DIAPH3: variants seen among roughly 807,000 people sequenced by gnomAD.
The protein encoded by DIAPH3 is protein diaphanous homolog 3.
DIAPH3 carries 117 observed loss-of-function variants against 144.3 expected under a neutral mutation model. The observed-to-expected ratio is 0.81, with a 90% confidence interval of 0.70 to 0.95. The LOEUF (loss-of-function observed/expected upper bound fraction) is 0.95. Among genes scored for constraint, DIAPH3 ranks in the 40% least tolerant of loss-of-function variants. DIAPH3 has a pLI of 0.00. For missense variants in DIAPH3, 1,421 were observed against 1,412.7 expected (o/e 1.01, Z -0.09); for synonymous variants, 519 against 488.9 (o/e 1.06, Z -0.81).
intron 2 of DIAPH3, among the ~76,000 whole-genome samples, chr13:60,132,214 A>G (rs1293759804): frequency 1.3e-5 from 2 of 152,162 alleles, no homozygotes; most frequent in African/African-American, 4.8e-5. Flanking sequence ...TACTTTGGAT[A>G]TTAGAAGTAC....
chr13:59,891,290 C>T (rs1218958494), intron 20 of DIAPH3, among the ~76,000 whole-genome samples: 1 of 152,108 alleles, frequency 6.6e-6, no homozygotes, highest in Non-Finnish European at 1.5e-5. Flanking sequence ...ATGAATGATG[C>T]ATGGCTGGTA....
chr13:59,799,053 C>G (rs1054283216), intron 25 of DIAPH3, among the ~76,000 whole-genome samples: 1 of 151,928 alleles, frequency 6.6e-6, no homozygotes, highest in Non-Finnish European at 1.5e-5. Flanking sequence ...AGAAAGAGCA[C>G]GAGTGCAAGA....
chr13:59,885,887 G>A (rs1372105134), intron 20 of DIAPH3, among the ~76,000 whole-genome samples: 1 of 151,984 alleles, frequency 6.6e-6, no homozygotes, highest in Admixed American at 6.6e-5. Flanking sequence ...CCCTACCAAT[G>A]CCTTCATTTA....
At chr13:59,709,947 G>T (rs1470084464) in intron 27 of DIAPH3, among the ~76,000 whole-genome samples, 1 of 151,478 alleles carries the variant, frequency 6.6e-6, no homozygotes, top group African/African-American at 2.4e-5. Flanking sequence ...CCTTTGTAGG[G>T]ACATGGATGA....
chr13:59,748,145 C>T (rs965025886), intron 27 of DIAPH3, among the ~76,000 whole-genome samples: 1 of 152,172 alleles, frequency 6.6e-6, no homozygotes, highest in Non-Finnish European at 1.5e-5. Context: ...AAAAGAGCTG[C>T]TTTCCTGCTA....
intron 27 of DIAPH3, among the ~76,000 whole-genome samples, chr13:59,672,724 T>C (rs1270596808): frequency 6.6e-6 from 1 of 152,194 alleles, no homozygotes; most frequent in Non-Finnish European, 1.5e-5. Context: ...CTTCCTTTGG[T>C]TTCATTTCGC....
chr13:60,066,419 C>T (rs2056969031), intron 4 of DIAPH3, among the ~76,000 whole-genome samples: 1 of 152,126 alleles, frequency 6.6e-6, no homozygotes, highest in Non-Finnish European at 1.5e-5. Context: ...AGTGGTGTTG[C>T]TGGTAAATGT....
chr13:60,107,736 ATTCATAC>A (rs2058460819), intron 3 of DIAPH3, among the ~76,000 whole-genome samples: 1 of 152,186 alleles, frequency 6.6e-6, no homozygotes, highest in Non-Finnish European at 1.5e-5. Context: ...GAACATCACT[ATTCATAC>A]TTAAGTACTT....
rs369664757 is a variant in DIAPH3 at position 59,974,385 on chromosome 13, C to T, written c.1617G>A (p.Glu539=). Residue 539 remains glutamate (E), a synonymous_variant, in exon 15 of 28, where the codon GAG becomes GAA. Coordinates refer to ENST00000400324, the MANE Select transcript of DIAPH3 (RefSeq NM_001042517.2). ...TAAAAGCTTGTAGCTCTGCTTGAAG[C>T]TCATTAATCTTTGCCTCTTTTTTCT... The part of the protein sequence containing the change: ...ELQKKEAKIN[E]LQAELQAFKS... 101 of 1,611,982 alleles carry T rather than the reference C, an allele frequency of 6.3e-5. No homozygotes were observed. Among genetic ancestry groups the T allele is most frequent in the Non-Finnish European group, 8.2e-5 (97 of 1,179,464 alleles).
intron 2 of DIAPH3, among the ~76,000 whole-genome samples, chr13:60,127,247 A>T (rs1356738106): frequency 6.6e-6 from 1 of 152,110 alleles, no homozygotes; most frequent in Non-Finnish European, 1.5e-5. Flanking sequence ...GATAAAATTT[A>T]AAATATAGGT....
At chr13:60,114,478 GT>G (rs1435272320) in intron 2 of DIAPH3, among the ~76,000 whole-genome samples, 20 of 152,072 alleles carry the variant, frequency 1.3e-4, no homozygotes, top group African/African-American at 4.8e-4. Context: ...ATCAAATGTT[GT>G]AACACAAGTG....
intron 19 of DIAPH3, among the ~76,000 whole-genome samples, chr13:59,915,633 C>T (rs756029822): frequency 1.3e-5 from 2 of 151,982 alleles, no homozygotes; most frequent in Non-Finnish European, 2.9e-5. Flanking sequence ...TTTGAAAATA[C>T]TATGAATAAA....
chr13:60,044,599 T>C (rs2055930421), intron 4 of DIAPH3, among the ~76,000 whole-genome samples: 1 of 152,174 alleles, frequency 6.6e-6, no homozygotes, highest in Non-Finnish European at 1.5e-5. Context: ...AGAGAAAATT[T>C]AGAAAACACA....
At chr13:60,046,939 A>T (rs2056096456) in intron 4 of DIAPH3, among the ~76,000 whole-genome samples, 1 of 151,936 alleles carries the variant, frequency 6.6e-6, no homozygotes. Context: ...ACACATGGAC[A>T]TAGGGAGGGG....
chr13:59,741,849 T>A (rs1242020505), intron 27 of DIAPH3, among the ~76,000 whole-genome samples: 2 of 152,156 alleles, frequency 1.3e-5, no homozygotes, highest in Non-Finnish European at 2.9e-5. Flanking sequence ...TTCCTACCTA[T>A]TGCATGGTTC....
chr13:59,825,819 C>A (rs1192129719), intron 24 of DIAPH3, among the ~76,000 whole-genome samples: 1 of 152,100 alleles, frequency 6.6e-6, no homozygotes, highest in East Asian at 1.9e-4. Flanking sequence ...TGTCTTTTGG[C>A]TGCATAAATG....
At chr13:60,021,042 T>G (rs1402077625) in intron 5 of DIAPH3, 1 of 152,244 alleles carries the variant, frequency 6.6e-6, no homozygotes, top group Admixed American at 6.5e-5. Context: ...AAACCACATA[T>G]GTAATGCCAT....
intron 22 of DIAPH3, among the ~76,000 whole-genome samples, chr13:59,844,465 C>T (rs1477714653): frequency 6.8e-6 from 1 of 147,776 alleles, no homozygotes; most frequent in Non-Finnish European, 1.5e-5. Context: ...GATCGCGCCA[C>T]TGCACTCCAG....
intron 18 of DIAPH3, among the ~76,000 whole-genome samples, chr13:59,916,847 T>A (rs1449923506): frequency 6.6e-6 from 1 of 152,156 alleles, no homozygotes; most frequent in Non-Finnish European, 1.5e-5. Flanking sequence ...AAATTCTCAC[T>A]GAAAATTATC....
Sources: allele counts gnomAD v4.1 joint callset (sites outside exome capture counted in the v4.1 genomes callset), GRCh38; gene constraint gnomAD v4.1.1; transcripts MANE v1.5; gene names NCBI Gene and HGNC (gene_info 2026-07-23, HGNC 2026-07-21).